EGFL6: variants seen among roughly 807,000 people sequenced by gnomAD.
The protein encoded by EGFL6 is EGF like domain multiple 6.
In EGFL6, 42 loss-of-function variants were observed where a neutral mutation model predicts 43.1. That is an observed-to-expected ratio of 0.98 (90% CI 0.76 to 1.26). The LOEUF (loss-of-function observed/expected upper bound fraction) is 1.26, where lower values mean the gene tolerates loss of function less well. Among genes scored for constraint, EGFL6 ranks in the 50% most tolerant of loss-of-function variants. The pLI is 0.00. For synonymous variants in EGFL6, 164 were observed against 163.2 expected, an observed-to-expected ratio of 1.01 and a Z score of -0.04; for missense variants, 429 against 427.8, an observed-to-expected ratio of 1.00 and a Z score of -0.02.
intron 2 of EGFL6, chrX:13,590,424 G>C (rs1055444988): frequency 8.9e-6 from 1 of 112,121 alleles, no homozygotes. Context: ...CACCAGGGGT[G>C]TATTCCTTCA....
At chrX:13,618,973 G>A (rs935568425) in intron 8 of EGFL6, among the ~76,000 whole-genome samples, 190 bp from the exon 9 acceptor site, 2 of 111,312 alleles carry the variant, frequency 1.8e-5, no homozygotes, top group African/African-American at 6.5e-5. Flanking sequence ...GAAATGTCTG[G>A]AAAAGATGTT....
intron 7 of EGFL6, among the ~76,000 whole-genome samples, chrX:13,609,469 C>T (rs768453689): frequency 6.3e-5 from 7 of 111,871 alleles, no homozygotes; most frequent in East Asian, 2.8e-4. Flanking sequence ...CATCCAGGTT[C>T]GGCTGGGCGT....
At chrX:13,604,875 T>C (rs2045651599) in intron 5 of EGFL6, among the ~76,000 whole-genome samples, 1 of 111,972 alleles carries the variant, frequency 8.9e-6, no homozygotes. Flanking sequence ...GTCAAGGTGC[T>C]AGATGTTTAT....
chrX:13,596,063 T>C (rs2045595848), intron 3 of EGFL6, among the ~76,000 whole-genome samples: 1 of 111,912 alleles, frequency 8.9e-6, no homozygotes, highest in Non-Finnish European at 1.9e-5. Flanking sequence ...TCCTAGATTG[T>C]TTGTCTGAAA....
At chrX:13,632,502 CTG>C (rs2045818607) in intron 11 of EGFL6, among the ~76,000 whole-genome samples, 1 of 108,417 alleles carries the variant, frequency 9.2e-6, no homozygotes, top group South Asian at 4.1e-4. Context: ...CGGGGTTTCA[CTG>C]TGTGTTAGCC....
At position 13,585,129 on chromosome X, in the gene EGFL6, C is replaced by T. The variant is rs956211404; in HGVS notation, c.75-4427C>T. Among the ~76,000 whole-genome samples the T allele has an allele frequency of 2.7e-5, 3 of 111,869 alleles. No homozygotes were observed. In the East Asian group the frequency reaches 8.4e-4, roughly 31 times the overall value. ...AAGCCCTAACTTGATTCACAAGACCCTCTGTGATGTAGCCTCTGCCAACCT... is the reference window on the plus strand; with the variant it reads ...AAGCCCTAACTTGATTCACAAGACCTTCTGTGATGTAGCCTCTGCCAACCT... On this transcript the variant is annotated intron_variant, in intron 1 of 11. Coordinates refer to ENST00000361306, the MANE Select transcript of EGFL6 (RefSeq NM_015507.4).
At chrX:13,620,777 G>A (rs1048861618) in intron 9 of EGFL6, among the ~76,000 whole-genome samples, 2 of 111,620 alleles carry the variant, frequency 1.8e-5, no homozygotes. Flanking sequence ...CCCAAGCTCT[G>A]TCTACCCTTG....
intron 5 of EGFL6, among the ~76,000 whole-genome samples, chrX:13,603,779 T>C (rs1201389923): frequency 8.9e-6 from 1 of 112,102 alleles, no homozygotes; most frequent in African/African-American, 3.2e-5. Context: ...TAAGGACCAT[T>C]GGGTTTTATT....
chrX:13,618,769 C>T (rs1237588816), intron 8 of EGFL6, among the ~76,000 whole-genome samples: 1 of 110,633 alleles, frequency 9.0e-6, no homozygotes, highest in Non-Finnish European at 1.9e-5. Flanking sequence ...GACTGGTGGT[C>T]ATATATACAA....
At chrX:13,612,690 G>A (rs989228035) in intron 7 of EGFL6, among the ~76,000 whole-genome samples, 4 of 110,294 alleles carry the variant, frequency 3.6e-5, no homozygotes, top group Non-Finnish European at 7.6e-5. Flanking sequence ...CCCACCTCCC[G>A]GACGGGGTGG....
At chrX:13,578,622 C>T (rs978292292) in intron 1 of EGFL6, among the ~76,000 whole-genome samples, 13 of 111,016 alleles carry the variant, frequency 1.2e-4, no homozygotes, top group Non-Finnish European at 1.9e-4. Context: ...AGTTCATATC[C>T]TTTGTAGGGA....
At chrX:13,632,925 T>G (rs2045821271) in intron 11 of EGFL6, 60 bp from the exon 12 acceptor site, 2 of 1,065,178 alleles carry the variant, frequency 1.9e-6, no homozygotes, top group Admixed American at 4.7e-5. Context: ...TTAAATAGCT[T>G]GATTATATCA....
intron 7 of EGFL6, among the ~76,000 whole-genome samples, chrX:13,612,664 C>A (rs1210066477): frequency 9.1e-6 from 1 of 110,177 alleles, no homozygotes; most frequent in South Asian, 3.9e-4. Flanking sequence ...GGCGGCTGGC[C>A]GGGAGGGGGC....
At chrX:13,589,693 T>G in intron 2 of EGFL6, 25 bp downstream of exon 2, 1 of 1,159,955 alleles carries the variant, frequency 8.6e-7, no homozygotes. Context: ...ACTCAGACCC[T>G]GCACTTGGAT....
Position 13,608,947 on chromosome X carries a change from G to A in EGFL6, c.778+501G>A, listed in dbSNP as rs184538376. On this transcript the variant is annotated intron_variant, in intron 7 of 11. Transcript: ENST00000361306. ...GATTACTTTATCTGTCATCCTCAAC[G>A]CTGGATCCACTTGTTTTAATGTATA... Among the ~76,000 whole-genome samples the A allele has an allele frequency of 1.5e-3, 163 of 112,340 alleles. 1 individual carries two copies. Among genetic ancestry groups the A allele is most frequent in the Non-Finnish European group, 1.4e-3 (74 of 53,248 alleles).
intron 7 of EGFL6, among the ~76,000 whole-genome samples, chrX:13,613,012 G>C (rs1177368332): frequency 9.2e-6 from 1 of 108,907 alleles, no homozygotes; most frequent in Non-Finnish European, 1.9e-5. Context: ...AGGCATGGTG[G>C]TGTGCGCCTG....
At chrX:13,588,755 A>G (rs1259142072) in intron 1 of EGFL6, among the ~76,000 whole-genome samples, 4 of 111,765 alleles carry the variant, frequency 3.6e-5, no homozygotes, top group Admixed American at 9.5e-5. Context: ...ATCATGACAC[A>G]GGAAAATTAT....
At chrX:13,600,396 C>T (rs2045627348) in intron 4 of EGFL6, among the ~76,000 whole-genome samples, 1 of 101,749 alleles carries the variant, frequency 9.8e-6, no homozygotes, top group Non-Finnish European at 2.0e-5. Context: ...AAGCAATTCT[C>T]CTGCCTCAGC....
rs5934114 is a variant in EGFL6 at position 13,586,992 on chromosome X, G to A, written c.75-2564G>A. Among the ~76,000 whole-genome samples the A allele has an allele frequency of 2.7e-5, 3 of 110,919 alleles. No individual in the cohort carries two copies. In the East Asian group the frequency reaches 8.5e-4, roughly 31 times the overall value. On this transcript the variant is annotated intron_variant, in intron 1 of 11. Coordinates refer to ENST00000361306, the MANE Select transcript of EGFL6 (RefSeq NM_015507.4). Reference sequence around the variant, plus strand: ...CAGATACGGAAGGCTACATATTGTGGGATTCCATTTATATGAAATATCCAG... The same window carrying A: ...CAGATACGGAAGGCTACATATTGTGAGATTCCATTTATATGAAATATCCAG...
Sources: gnomAD v4.1 joint callset for allele counts (sites outside exome capture counted in the v4.1 genomes callset) on GRCh38, gnomAD v4.1.1 for gene constraint, MANE v1.5 for transcripts, NCBI Gene and HGNC (gene_info 2026-07-23, HGNC 2026-07-21) for gene names.